LAD1: variants seen among roughly 807,000 people sequenced by gnomAD.
LAD1 encodes the protein ladinin-1.
Under a neutral mutation model 54.2 loss-of-function variants are expected in LAD1, and 53 were observed. That is an observed-to-expected ratio of 0.98 (90% CI 0.78 to 1.23). LAD1 has a LOEUF of 1.23. Among genes scored for constraint, LAD1 ranks in the 50% most tolerant of loss-of-function variants. LAD1 has a pLI of 0.00. For synonymous variants in LAD1, 231 were observed against 257.7 expected (o/e 0.90, Z 0.99); for missense variants, 637 against 653.3 (o/e 0.98, Z 0.27).
At chr1:201,399,013 C>T (rs1396269828) in intron 1 of LAD1, among the ~76,000 whole-genome samples, 1 of 152,222 alleles carries the variant, frequency 6.6e-6, no homozygotes, top group Non-Finnish European at 1.5e-5. Context: ...CATATCCCAG[C>T]GGGCGTCCAG....
intron 9 of LAD1, 144 bp from the exon 10 acceptor site, chr1:201,382,037 G>T: frequency 1.1e-6 from 1 of 945,388 alleles, no homozygotes; most frequent in Non-Finnish European, 1.6e-6. Flanking sequence ...GCTGAAGAGG[G>T]AGGGGCTCTG....
chr1:201,382,974 A>C (rs1034109407), intron 7 of LAD1, 100 bp downstream of exon 7: 42 of 1,376,404 alleles, frequency 3.1e-5, no homozygotes, highest in Admixed American at 1.1e-4. Flanking sequence ...ATTAATTGAC[A>C]CATGAAAACA....
chr1:201,398,366 T>C (rs542357561), intron 1 of LAD1, among the ~76,000 whole-genome samples: 5 of 152,198 alleles, frequency 3.3e-5, no homozygotes, highest in Admixed American at 6.5e-5. Flanking sequence ...AATATCTACC[T>C]GGCTAGAAAG....
chr1:201,387,173 G>A lies in LAD1; in HGVS notation c.188C>T (p.Pro63Leu), dbSNP rs41302137. 8.9e-4 allele frequency: 1,335 copies of A among 1,507,460 alleles called. No homozygotes were observed. The highest frequency in any genetic ancestry group is 1.1e-3 in the Non-Finnish European group (1,269 of 1,130,310). The allele number at this position is 1,507,460 out of a possible 1,614,324, so 93.4% of individuals were successfully genotyped here. The part of the protein sequence containing the change: ...DRQASASERL[P>L]SVEEAEVPKP... Reference sequence around the variant, plus strand: ...GGGCACCTCTGCTTCTTCCACGCTCGGTAGTCTGAATCAGAAGATGGGAGA... The same window carrying A: ...GGGCACCTCTGCTTCTTCCACGCTCAGTAGTCTGAATCAGAAGATGGGAGA... The change falls in exon 3 of 10, where the codon CCG (proline) becomes CTG (leucine). Residue 63 changes from proline to leucine, a missense_variant. Coordinates refer to ENST00000391967, the MANE Select transcript of LAD1 (RefSeq NM_005558.4).
intron 2 of LAD1, 80 bp from the exon 3 acceptor site, chr1:201,387,258 G>C: frequency 7.3e-7 from 1 of 1,374,594 alleles, no homozygotes; most frequent in Non-Finnish European, 9.4e-7. Context: ...TGGAGATGCT[G>C]CCAGGGCCAC....
chr1:201,390,094 A>AT (rs920921457), intron 1 of LAD1, among the ~76,000 whole-genome samples: 8 of 151,466 alleles, frequency 5.3e-5, no homozygotes, highest in East Asian at 4.0e-4. Flanking sequence ...TAATTTTTAG[A>AT]TTTTTTGTAG....
In LAD1 at chr1:201,383,341, C is replaced by A. The variant is rs1346411174; in HGVS notation, c.1224G>T (p.Leu408=). Residue 408 remains leucine, a synonymous_variant, in exon 6 of 10, where the codon CTG becomes CTT. Transcript: ENST00000391967. ...PDNTVKLGEK[L]ERYHTAIRRS... The stretch of plus-strand genomic sequence containing the variant: ...CCCGTATGGCCGTGTGGTATCTCTC[C>A]AGCTTCTCTCCCAACTTCACTGTGT... 1.9e-6 allele frequency: 3 copies of A among 1,613,962 alleles called. No homozygotes were observed. The highest frequency in any genetic ancestry group is 2.5e-6 in the Non-Finnish European group (3 of 1,180,030).
At chr1:201,393,370 G>A (rs1330488623) in intron 1 of LAD1, among the ~76,000 whole-genome samples, 1 of 152,216 alleles carries the variant, frequency 6.6e-6, no homozygotes, top group African/African-American at 2.4e-5. Flanking sequence ...CTGTACCAGA[G>A]CCTGAGCAGG....
At chr1:201,389,449 G>T in intron 1 of LAD1, 146 bp from the exon 2 acceptor site, 1 of 881,370 alleles carries the variant, frequency 1.1e-6, no homozygotes, top group Non-Finnish European at 1.7e-6. Flanking sequence ...AAACGTGGCT[G>T]GTGTGAACCA....
At chr1:201,385,563 G>A (rs1662057248) in intron 4 of LAD1, 138 bp downstream of exon 4, 1 of 730,622 alleles carries the variant, frequency 1.4e-6, no homozygotes, top group South Asian at 1.6e-5. Flanking sequence ...TTTGTTCAGG[G>A]CCACCCATGG....
intron 7 of LAD1, 109 bp downstream of exon 7, chr1:201,382,964 AT>A: frequency 7.6e-7 from 1 of 1,314,014 alleles, no homozygotes; most frequent in Non-Finnish European, 1.0e-6. Context: ...TTCTGCCAAC[AT>A]TAATTGACAC....
intron 3 of LAD1, among the ~76,000 whole-genome samples, 160 bp from the exon 4 acceptor site, chr1:201,385,965 CACAG>C (rs1025059214): frequency 2.6e-5 from 4 of 152,192 alleles, no homozygotes; most frequent in Admixed American, 6.5e-5. Flanking sequence ...GGGAGTGGCT[CACAG>C]ACAAAGTCCC....
rs191210256 is a variant in LAD1 at position 201,392,736 on chromosome 1, C to A, written c.39-3433G>T. On this transcript the variant is annotated intron_variant, in intron 1 of 9. Coordinates refer to ENST00000391967, the MANE Select transcript of LAD1 (RefSeq NM_005558.4). ...CTGGAGAGCCCTGGAGAGTGTTACA[C>A]AGAAAAACAACATGATGGGATCGCT... 9.2e-5 allele frequency among the ~76,000 whole-genome samples: 14 copies of A among 151,598 alleles called. No homozygotes were observed. In the East Asian group the frequency reaches 2.7e-3, roughly 29 times the overall value.
intron 1 of LAD1, among the ~76,000 whole-genome samples, chr1:201,396,596 G>A (rs1662294259): frequency 1.3e-5 from 2 of 152,158 alleles, no homozygotes; most frequent in Admixed American, 6.5e-5. Context: ...CTTAAAGCTG[G>A]GAGAGGGTGA....
chr1:201,383,124 CA>C lies in LAD1; in HGVS notation c.1335del (p.Phe445LeufsTer21). 1 of 1,614,108 alleles carries C rather than the reference CA, an allele frequency of 6.2e-7. No individual in the cohort carries two copies. Among genetic ancestry groups the C allele is most frequent in the Non-Finnish European group, 8.5e-7 (1 of 1,180,004 alleles). ...PVGVASKRHLFEKELAGQSRA... is the reference protein window; with the variant it reads ...PVGVASKRHLXEKELAGQSRA... ...CGGCTCTGGCCCGCCAGTTCCTTCTCAAAGAGGTGGCGCTTGCTGGCTACAC... is the reference window on the plus strand; with the variant it reads ...CGGCTCTGGCCCGCCAGTTCCTTCTCAAGAGGTGGCGCTTGCTGGCTACAC... On this transcript the variant is annotated frameshift_variant, in exon 7 of 10. Transcript: ENST00000391967. LOFTEE classifies it high-confidence loss of function.
In LAD1 at chr1:201,386,708, A is replaced by G. The variant is rs558394574; in HGVS notation, c.653T>C (p.Ile218Thr). The change falls in exon 3 of 10, where the codon ATA (isoleucine) becomes ACA (threonine). Residue 218 changes from isoleucine to threonine, a missense_variant. Ile to Thr is a moderately conservative substitution (Grantham distance 89). Coordinates refer to ENST00000391967, the MANE Select transcript of LAD1 (RefSeq NM_005558.4). ...GCTGTTTCTTTTCTCTGACACTGCT[A>G]TCTTCTCTGATAGAGATGTCTTCTC... The part of the protein sequence containing the change: ...ASEKTSLSEK[I>T]AVSEKRNSSE... 1.2e-5 allele frequency: 20 copies of G among 1,614,180 alleles called. No homozygotes were observed. The highest frequency in any genetic ancestry group is 3.3e-4 in the Middle Eastern group (2 of 6,062).
chr1:201,385,394 T>C (rs1388269924), intron 4 of LAD1, among the ~76,000 whole-genome samples: 3 of 152,192 alleles, frequency 2.0e-5, no homozygotes, highest in Non-Finnish European at 2.9e-5. Flanking sequence ...GGCCAGGAAC[T>C]GATGAAGGCA....
Position 201,387,689 on chromosome 1 carries a change from G to A in LAD1, c.183-511C>T, listed in dbSNP as rs1223852942. Among the ~76,000 whole-genome samples the A allele has an allele frequency of 2.0e-5, 3 of 152,178 alleles. 1 individual carries two copies. The highest frequency in any genetic ancestry group is 4.4e-5 in the Non-Finnish European group (3 of 68,038). ...GGTGACAGCCACAGGTACTGGTGCA[G>A]CCCAGCTCTGGACATCCTCCAGAGT... On this transcript the variant is annotated intron_variant, in intron 2 of 9. Transcript: ENST00000391967.
In LAD1 at chr1:201,380,965, G is replaced by A. The variant is rs904502338; in HGVS notation, c.*923C>T. ...TGGTTCACCATGCTCCAAGCTCATA[G>A]GAGCCATGAGGTCCAGAGCATGGGG... On this transcript the variant is annotated 3_prime_UTR_variant, in exon 10 of 10. Coordinates refer to ENST00000391967, the MANE Select transcript of LAD1 (RefSeq NM_005558.4). 6.6e-6 allele frequency: 1 copy of A among 151,984 alleles called. No homozygotes were observed. 9.4% of individuals were successfully genotyped at this position (151,984 alleles called of 1,614,324 possible).
Sources: allele counts gnomAD v4.1 joint callset (sites outside exome capture counted in the v4.1 genomes callset), GRCh38; gene constraint gnomAD v4.1.1; transcripts MANE v1.5; gene names NCBI Gene and HGNC (gene_info 2026-07-23, HGNC 2026-07-21).